The following GRAMD2B variants were observed in gnomAD, a reference collection of about 807,000 sequenced individuals.
The protein encoded by GRAMD2B is GRAM domain containing 2B, also known as GRAM domain-containing protein 2B.
Under a neutral mutation model 59.2 loss-of-function variants are expected in GRAMD2B, and 41 were observed. That is an observed-to-expected ratio of 0.69 (90% CI 0.54 to 0.90). The LOEUF (loss-of-function observed/expected upper bound fraction) is 0.90, where lower values mean the gene tolerates loss of function less well. Among genes scored for constraint, GRAMD2B ranks in the 40% least tolerant of loss-of-function variants. GRAMD2B has a pLI of 0.00. For missense variants in GRAMD2B, 424 were observed against 500.5 expected (o/e 0.85, Z 1.46); for synonymous variants, 161 against 182.7 (o/e 0.88, Z 0.96).
At position 126,469,760 on chromosome 5, in the gene GRAMD2B, A is replaced by G; in HGVS notation, c.287A>G (p.Glu96Gly). ...GAAAGCAAAAATGACCCTAAGACTG[A>G]AAGAAAAAAGTCTTCATCTTCCAGC... The part of the protein sequence containing the change: ...KTESKNDPKT[E>G]RKKSSSSSQY... The change falls in exon 3 of 14, where the codon GAA (glutamate) becomes GGA (glycine). Residue 96 changes from glutamate to glycine, a missense_variant. Transcript: ENST00000285689. 1 of 1,612,714 alleles carries G rather than the reference A, an allele frequency of 6.2e-7. No homozygotes were observed.
intron 1 of GRAMD2B, among the ~76,000 whole-genome samples, chr5:126,385,599 C>A (rs960482661): frequency 2.6e-5 from 4 of 152,172 alleles, no homozygotes; most frequent in African/African-American, 9.7e-5. Flanking sequence ...TTTCTCTGTG[C>A]CGGAAATAAC....
chr5:126,374,635 A>G (rs73332408), intron 1 of GRAMD2B, among the ~76,000 whole-genome samples: 1,920 of 152,238 alleles, frequency 0.013, 34 homozygotes, highest in African/African-American at 0.044. Flanking sequence ...GAACATATGT[A>G]TTTTCTGCTA....
chr5:126,401,094 T>C (rs540203144), intron 1 of GRAMD2B, among the ~76,000 whole-genome samples: 14 of 152,200 alleles, frequency 9.2e-5, no homozygotes, highest in Non-Finnish European at 1.9e-4. Flanking sequence ...TGGTGTTTTA[T>C]AAATCTCTTA....
In GRAMD2B at chr5:126,423,425, A is replaced by C; in HGVS notation, c.-182A>C. The C allele has an allele frequency of 7.2e-7, 1 of 1,387,720 alleles. No individual in the cohort carries two copies. The highest frequency in any genetic ancestry group is 2.7e-4 in the Middle Eastern group (1 of 3,758). 86.0% of individuals were successfully genotyped at this position (1,387,720 alleles called of 1,614,324 possible). On this transcript the variant is annotated 5_prime_UTR_variant, in exon 1 of 14. Coordinates refer to ENST00000285689, the MANE Select transcript of GRAMD2B (RefSeq NM_023927.4). ...GGTCGGACCAATCGCGCCCGCTCCG[A>C]CGTGTCCAGGTCCGCGGCCCCGGGA...
chr5:126,434,311 T>C (rs1482467711), intron 1 of GRAMD2B, among the ~76,000 whole-genome samples: 1 of 152,122 alleles, frequency 6.6e-6, no homozygotes, highest in Non-Finnish European at 1.5e-5. Context: ...AAAAATTATT[T>C]TTTTAAATGT....
At chr5:126,375,995 G>T (rs1451468082) in intron 1 of GRAMD2B, among the ~76,000 whole-genome samples, 1 of 152,260 alleles carries the variant, frequency 6.6e-6, no homozygotes, top group African/African-American at 2.4e-5. Context: ...AGAACATTAA[G>T]CAGACTTGGA....
intron 1 of GRAMD2B, among the ~76,000 whole-genome samples, chr5:126,452,257 C>G (rs1765508471): frequency 6.6e-6 from 1 of 152,114 alleles, no homozygotes; most frequent in South Asian, 2.1e-4. Context: ...GTTGGATCCT[C>G]ATGTGGTGGA....
rs536128439 is a variant in GRAMD2B at position 126,449,585 on chromosome 5, T to G, written c.84-15841T>G. Among the ~76,000 whole-genome samples, 7 of 152,376 alleles carry G rather than the reference T, an allele frequency of 4.6e-5. No individual in the cohort carries two copies. In the South Asian group the frequency reaches 1.4e-3, roughly 32 times the overall value. On this transcript the variant is annotated intron_variant, in intron 1 of 13. Transcript: ENST00000285689. ...ACGTATGTCTAATATGAGGGTGTTTTGGTTAAATCAAAGCCTTTTACATAA... is the reference window on the plus strand; with the variant it reads ...ACGTATGTCTAATATGAGGGTGTTTGGGTTAAATCAAAGCCTTTTACATAA...
chr5:126,441,209 A>G (rs1335843271), intron 1 of GRAMD2B, among the ~76,000 whole-genome samples: 1 of 152,190 alleles, frequency 6.6e-6, no homozygotes, highest in Non-Finnish European at 1.5e-5. Context: ...GGAGATAGAT[A>G]CCTTTTAGAC....
In GRAMD2B at chr5:126,364,437, A is replaced by G. The variant is rs116224932; in HGVS notation, c.128+3978A>G. On this transcript the variant is annotated intron_variant, in intron 1 of 13. Transcript: ENST00000513040. ...AATATCTATCTAATTACTTCACACA[A>G]TAGCAGTGGAAAATGAAAGTGTAGG... Among the ~76,000 whole-genome samples the G allele has an allele frequency of 5.3e-3, 809 of 152,362 alleles. 8 individuals carry two copies. The highest frequency in any genetic ancestry group is 0.018 in the African/African-American group (766 of 41,590).
At chr5:126,481,841 G>A (rs548842748) in intron 8 of GRAMD2B, among the ~76,000 whole-genome samples, 1 of 152,084 alleles carries the variant, frequency 6.6e-6, no homozygotes, top group East Asian at 1.9e-4. Context: ...GGTGACGCAT[G>A]CCTGTAATCC....
chr5:126,408,589 T>A (rs1447188244), intron 1 of GRAMD2B, among the ~76,000 whole-genome samples: 1 of 151,866 alleles, frequency 6.6e-6, no homozygotes, highest in African/African-American at 2.4e-5. Flanking sequence ...GAATGTGGCC[T>A]GATTTGTGAC....
chr5:126,475,733 G>A (rs1770453167), intron 5 of GRAMD2B, among the ~76,000 whole-genome samples: 1 of 152,204 alleles, frequency 6.6e-6, no homozygotes, highest in Non-Finnish European at 1.5e-5. Flanking sequence ...GGGAGGCCAA[G>A]GCGGGCGGAT....
intron 3 of GRAMD2B, among the ~76,000 whole-genome samples, chr5:126,470,096 A>G (rs1769266326): frequency 1.3e-5 from 2 of 152,198 alleles, no homozygotes; most frequent in African/African-American, 4.8e-5. Flanking sequence ...TTGGCAGGAC[A>G]AGGGGAGTTG....
chr5:126,452,299 AT>A (rs1159247735), intron 1 of GRAMD2B, among the ~76,000 whole-genome samples: 2 of 152,044 alleles, frequency 1.3e-5, no homozygotes, highest in Non-Finnish European at 2.9e-5. Flanking sequence ...AAGGGCATTA[AT>A]CCCATTCATG....
chr5:126,416,037 G>A (rs1230536328), intron 1 of GRAMD2B, among the ~76,000 whole-genome samples: 3 of 152,170 alleles, frequency 2.0e-5, no homozygotes, highest in African/African-American at 7.2e-5. Context: ...AGAAAGGCCA[G>A]GACTAATATT....
rs573075090 is a variant in GRAMD2B, at chr5:126,397,529, G to A, written c.125+25962G>A. 1.5e-4 allele frequency among the ~76,000 whole-genome samples: 23 copies of A among 152,114 alleles called. No individual in the cohort carries two copies. The South Asian group carries it at 2.5e-3, about 16-fold the overall frequency. On this transcript the variant is annotated intron_variant, in intron 1 of 8. Transcript: ENST00000506445. ...GTGAGCCTCCACACCTGGCTTTGAC[G>A]TTTATTTTCTTAAGTTCCTTCTATA... is the stretch of plus-strand genomic sequence containing the variant.
exon 1 of GRAMD2B, chr5:126,360,367 G>C: frequency 1.3e-6 from 2 of 1,551,376 alleles, no homozygotes; most frequent in African/African-American, 2.7e-5. Flanking sequence ...AAGCAAAAAG[G>C]AGCATTCAGC....
intron 8 of GRAMD2B, among the ~76,000 whole-genome samples, chr5:126,481,548 T>C (rs989077943): frequency 1.3e-5 from 2 of 152,214 alleles, no homozygotes; most frequent in Admixed American, 6.5e-5. Context: ...CAAACACTTG[T>C]ACAAGAATGT....
Sources: allele counts gnomAD v4.1 joint callset (sites outside exome capture counted in the v4.1 genomes callset), GRCh38; gene constraint gnomAD v4.1.1; transcripts MANE v1.5; gene names NCBI Gene and HGNC (gene_info 2026-07-23, HGNC 2026-07-21).